The following NRXN3 variants were observed in gnomAD, a reference collection of about 807,000 sequenced individuals.
NRXN3 encodes neurexin 3.
NRXN3 carries 32 observed loss-of-function variants against 137.6 expected under a neutral mutation model. That is an observed-to-expected ratio of 0.23 (90% CI 0.18 to 0.31). The LOEUF is 0.31. Among genes scored for constraint, NRXN3 ranks in the 10% least tolerant of loss-of-function variants. The pLI, the probability that NRXN3 is intolerant of heterozygous loss-of-function variation, is 1.00. For synonymous variants in NRXN3, 798 were observed against 784.5 expected, an observed-to-expected ratio of 1.02 and a Z score of -0.29; for missense variants, 1,574 against 2,062.5, an observed-to-expected ratio of 0.76 and a Z score of 4.59.
rs561808859 is a variant in NRXN3 at position 79,804,753 on chromosome 14, C to A, written c.4015-359C>A. 9.9e-5 allele frequency among the ~76,000 whole-genome samples: 15 copies of A among 152,244 alleles called. No homozygotes were observed. The East Asian group carries it at 2.9e-3, about 29-fold the overall frequency. On this transcript the variant is annotated intron_variant, in intron 19 of 20. Coordinates refer to ENST00000335750, the MANE Select transcript of NRXN3 (RefSeq NM_001330195.2). ...TGTGTTGCTTTGCACTCTTACATTG[C>A]CCATCCTTTACAACAGCCCTTCTCC...
chr14:78,336,198 T>G (rs2081444965), intron 4 of NRXN3, among the ~76,000 whole-genome samples: 1 of 152,200 alleles, frequency 6.6e-6, no homozygotes, highest in South Asian at 2.1e-4. Context: ...GAGACCACGC[T>G]TTAAAGAATT....
At chr14:79,048,307 C>T (rs1179139130) in intron 15 of NRXN3, among the ~76,000 whole-genome samples, 2 of 152,124 alleles carry the variant, frequency 1.3e-5, no homozygotes, top group Non-Finnish European at 1.5e-5. Flanking sequence ...GGCAGAAATG[C>T]TCTACATTCT....
chr14:79,116,917 C>T (rs959800503), intron 15 of NRXN3, among the ~76,000 whole-genome samples: 3 of 152,164 alleles, frequency 2.0e-5, no homozygotes, highest in Non-Finnish European at 2.9e-5. Context: ...TTCTCCATGC[C>T]TTGTCAAAGA....
At position 79,680,759 on chromosome 14, in the gene NRXN3, G is replaced by A. The variant is rs542392399; in HGVS notation, c.3617-11414G>A. ...ATGAAAAAATTCATTGATGGGGTGA[G>A]AGGTCTCAGTGCCAGCAAGTCTTAC... On this transcript the variant is annotated intron_variant, in intron 17 of 20. Coordinates refer to ENST00000335750, the MANE Select transcript of NRXN3 (RefSeq NM_001330195.2). 9.2e-5 allele frequency among the ~76,000 whole-genome samples: 14 copies of A among 152,212 alleles called. No individual in the cohort carries two copies. The South Asian group carries it at 2.9e-3, about 32-fold the overall frequency.
chr14:78,778,677 CT>C (rs747057755), intron 8 of NRXN3, among the ~76,000 whole-genome samples: 67 of 119,202 alleles, frequency 5.6e-4, no homozygotes, highest in South Asian at 1.2e-3. Context: ...TTTCTCTTTT[CT>C]TTTCTTTCTT....
chr14:78,982,544 A>G (rs1440194972), intron 14 of NRXN3, among the ~76,000 whole-genome samples: 1 of 152,196 alleles, frequency 6.6e-6, no homozygotes, highest in African/African-American at 2.4e-5. Context: ...TATGCAATGG[A>G]GAAAGGATGG....
At chr14:78,400,321 C>T (rs1356079315) in intron 4 of NRXN3, among the ~76,000 whole-genome samples, 4 of 152,148 alleles carry the variant, frequency 2.6e-5, no homozygotes, top group Non-Finnish European at 4.4e-5. Flanking sequence ...TCTATAAACT[C>T]GAAGTAAAGT....
intron 20 of NRXN3, among the ~76,000 whole-genome samples, chr14:79,859,030 G>A (rs936199587): frequency 6.7e-6 from 1 of 148,900 alleles, no homozygotes; most frequent in African/African-American, 2.5e-5. Context: ...TACAGTAAGT[G>A]TGAATCTTTG....
chr14:78,720,397 C>T (rs2152865058), intron 8 of NRXN3, among the ~76,000 whole-genome samples: 1 of 152,284 alleles, frequency 6.6e-6, no homozygotes, highest in South Asian at 2.1e-4. Context: ...AGAGCACCTG[C>T]CACCCTGTGA....
intron 3 of NRXN3, among the ~76,000 whole-genome samples, chr14:78,279,244 T>G (rs2074059648): frequency 6.6e-6 from 1 of 152,230 alleles, no homozygotes; most frequent in Admixed American, 6.5e-5. Flanking sequence ...ATGGAAAAAT[T>G]AAAGAACCAC....
chr14:78,541,338 T>A (rs1349311025), intron 4 of NRXN3, among the ~76,000 whole-genome samples: 1 of 152,236 alleles, frequency 6.6e-6, no homozygotes, highest in African/African-American at 2.4e-5. Flanking sequence ...TCCCTAACCT[T>A]GTCTTCTTGC....
At chr14:79,129,302 CT>C (rs2057067838) in intron 15 of NRXN3, among the ~76,000 whole-genome samples, 1 of 147,686 alleles carries the variant, frequency 6.8e-6, no homozygotes, top group African/African-American at 2.5e-5. Flanking sequence ...CCTGCTTTCT[CT>C]TGTGGGCATT....
intron 4 of NRXN3, among the ~76,000 whole-genome samples, chr14:78,316,267 A>G (rs1237158270): frequency 6.6e-6 from 1 of 151,484 alleles, no homozygotes; most frequent in Non-Finnish European, 1.5e-5. Context: ...TGGTGACAGG[A>G]GGGAGTGTAG....
chr14:78,863,385 T>C (rs748412756), intron 10 of NRXN3, among the ~76,000 whole-genome samples: 7 of 152,128 alleles, frequency 4.6e-5, no homozygotes, highest in Non-Finnish European at 7.4e-5. Context: ...GTCCCCTTAG[T>C]CTCTGGGCTT....
At chr14:78,593,779 C>A (rs1369572709) in intron 4 of NRXN3, among the ~76,000 whole-genome samples, 1 of 152,098 alleles carries the variant, frequency 6.6e-6, no homozygotes, top group Admixed American at 6.5e-5. Flanking sequence ...GTCTTACCAG[C>A]AGATGCACCT....
intron 15 of NRXN3, among the ~76,000 whole-genome samples, chr14:79,384,353 C>A (rs28651084): frequency 6.6e-6 from 1 of 151,988 alleles, no homozygotes; most frequent in Non-Finnish European, 1.5e-5. Context: ...ATAATGGAAA[C>A]GTGGGAAAAG....
At position 79,660,632 on chromosome 14, in the gene NRXN3, G is replaced by A. The variant is rs143979522; in HGVS notation, c.3445-3146G>A. 3.4e-3 allele frequency among the ~76,000 whole-genome samples: 519 copies of A among 152,234 alleles called. 3 individuals carry two copies. Among genetic ancestry groups the A allele is most frequent in the African/African-American group, 0.011 (463 of 41,558 alleles). ...TCAGCGAACTCACTGAGCCAGAACC[G>A]TACTTGGCCACTGCTGTCACTGAAA... On this transcript the variant is annotated intron_variant, in intron 16 of 20. Transcript: ENST00000335750.
At chr14:79,370,646 G>T (rs1432622663) in intron 15 of NRXN3, among the ~76,000 whole-genome samples, 1 of 152,074 alleles carries the variant, frequency 6.6e-6, no homozygotes, top group Admixed American at 6.6e-5. Flanking sequence ...TCGTCCAGAA[G>T]GTGTAGTGGG....
intron 15 of NRXN3, among the ~76,000 whole-genome samples, chr14:79,096,073 G>C (rs1005819433): frequency 2.0e-4 from 30 of 150,994 alleles, no homozygotes; most frequent in African/African-American, 6.8e-4. Context: ...CTCCTTCCCT[G>C]CCTCTCTCTT....
Sources: gnomAD v4.1 joint callset for allele counts (sites outside exome capture counted in the v4.1 genomes callset) on GRCh38, gnomAD v4.1.1 for gene constraint, MANE v1.5 for transcripts, NCBI Gene and HGNC (gene_info 2026-07-23, HGNC 2026-07-21) for gene names.